The following RNF150 variants were observed in gnomAD, a reference collection of about 807,000 sequenced individuals.
The protein encoded by RNF150 is ring finger protein 150.
Under a neutral mutation model 39.3 loss-of-function variants are expected in RNF150, and 24 were observed. The observed-to-expected ratio is 0.61, with a 90% CI of 0.44 to 0.86. The LOEUF is 0.86. Among genes scored for constraint, RNF150 ranks in the 40% least tolerant of loss-of-function variants. The pLI is 0.00. For synonymous variants in RNF150, 255 were observed against 227.3 expected (o/e 1.12, Z -1.10); for missense variants, 502 against 587.8 (o/e 0.85, Z 1.51).
intron 1 of RNF150, among the ~76,000 whole-genome samples, chr4:141,081,629 A>G (rs2110980718): frequency 1.3e-5 from 2 of 152,372 alleles, no homozygotes; most frequent in East Asian, 3.9e-4. Flanking sequence ...CAAAGACAAA[A>G]TAGAGGTCTG....
chr4:141,153,710 A>G (rs968514393), intron 1 of RNF150, among the ~76,000 whole-genome samples: 4 of 152,212 alleles, frequency 2.6e-5, no homozygotes, highest in Non-Finnish European at 4.4e-5. Flanking sequence ...CCAGAAGGAT[A>G]TAAAGTTTCC....
At chr4:140,897,270 A>G (rs1221295486) in intron 6 of RNF150, among the ~76,000 whole-genome samples, 1 of 152,204 alleles carries the variant, frequency 6.6e-6, no homozygotes, top group Non-Finnish European at 1.5e-5. Flanking sequence ...GGGATAAGAT[A>G]CCACTTAGAA....
chr4:140,889,887 G>A (rs879364442), intron 6 of RNF150, among the ~76,000 whole-genome samples: 1 of 152,060 alleles, frequency 6.6e-6, no homozygotes, highest in Non-Finnish European at 1.5e-5. Context: ...TGCCTGCATT[G>A]CCCCAAGATT....
chr4:141,103,954 G>A (rs1472674363), intron 1 of RNF150, among the ~76,000 whole-genome samples: 4 of 152,226 alleles, frequency 2.6e-5, no homozygotes, highest in Non-Finnish European at 5.9e-5. Context: ...TAATATTGCA[G>A]GAGAAAAAGT....
chr4:141,151,772 T>C (rs77885450), intron 1 of RNF150, among the ~76,000 whole-genome samples: 3,875 of 152,290 alleles, frequency 0.025, 183 homozygotes, highest in African/African-American at 0.088. Context: ...CTAATCTTTG[T>C]AACATTTAAA....
intron 2 of RNF150, among the ~76,000 whole-genome samples, chr4:140,964,432 C>T (rs980887416): frequency 2.6e-5 from 4 of 151,848 alleles, no homozygotes; most frequent in Non-Finnish European, 5.9e-5. Context: ...AAATGTTATA[C>T]ATTATTATAA....
At chr4:140,947,066 A>G (rs561912818) in intron 4 of RNF150, among the ~76,000 whole-genome samples, 96 of 152,254 alleles carry the variant, frequency 6.3e-4, no homozygotes, top group African/African-American at 2.3e-3. Context: ...ATAGGGTTAT[A>G]TAAGAATCAC....
intron 1 of RNF150, among the ~76,000 whole-genome samples, chr4:140,975,157 G>C (rs186335131): frequency 6.6e-6 from 1 of 152,262 alleles, no homozygotes; most frequent in East Asian, 1.9e-4. Flanking sequence ...TTGGGAGCCT[G>C]AGGTGGGAGG....
At chr4:141,163,919 G>A (rs1409594139) in intron 1 of RNF150, among the ~76,000 whole-genome samples, 4 of 152,018 alleles carry the variant, frequency 2.6e-5, no homozygotes, top group Admixed American at 6.6e-5. Flanking sequence ...ACAACTCCTC[G>A]ACAGCAAGGG....
At chr4:141,209,905 T>C (rs1232708759) in intron 1 of RNF150, among the ~76,000 whole-genome samples, 3 of 152,164 alleles carry the variant, frequency 2.0e-5, no homozygotes, top group Admixed American at 6.5e-5. Flanking sequence ...AAAAGCATTT[T>C]CTTTAAAGGG....
At chr4:140,876,499 T>A (rs1316579910) in intron 6 of RNF150, among the ~76,000 whole-genome samples, 9 of 152,250 alleles carry the variant, frequency 5.9e-5, no homozygotes, top group Non-Finnish European at 1.0e-4. Context: ...GCCTCTGATG[T>A]GAGAATGGCA....
intron 1 of RNF150, among the ~76,000 whole-genome samples, chr4:141,149,460 C>T (rs1727260192): frequency 2.0e-5 from 3 of 152,188 alleles, no homozygotes; most frequent in Admixed American, 2.0e-4. Flanking sequence ...TAGCTTAGCT[C>T]CCACTTATGA....
chr4:141,035,079 G>T (rs867185011), intron 1 of RNF150, among the ~76,000 whole-genome samples: 4 of 152,174 alleles, frequency 2.6e-5, no homozygotes, highest in Non-Finnish European at 5.9e-5. Flanking sequence ...TATAATTACA[G>T]TATCTTTCCC....
intron 1 of RNF150, among the ~76,000 whole-genome samples, chr4:141,160,202 A>G (rs1223331226): frequency 6.6e-6 from 1 of 152,232 alleles, no homozygotes; most frequent in Non-Finnish European, 1.5e-5. Context: ...CAAAATTTTA[A>G]CATACCATAA....
chr4:140,939,439 A>C (rs1731990884), intron 4 of RNF150, among the ~76,000 whole-genome samples: 1 of 152,230 alleles, frequency 6.6e-6, no homozygotes, highest in South Asian at 2.1e-4. Flanking sequence ...TATTCCTAAA[A>C]GGAAAGAAGA....
chr4:140,908,530 T>C (rs1730477561), intron 6 of RNF150, among the ~76,000 whole-genome samples: 1 of 152,172 alleles, frequency 6.6e-6, no homozygotes, highest in Non-Finnish European at 1.5e-5. Context: ...TACCAGTAGC[T>C]TCCTTTGAAA....
chr4:141,152,105 A>G (rs1578768913), intron 1 of RNF150, among the ~76,000 whole-genome samples: 2 of 152,320 alleles, frequency 1.3e-5, no homozygotes, highest in East Asian at 3.9e-4. Flanking sequence ...CTCTCAAGCA[A>G]TCTGGGAAAT....
At chr4:141,015,861 C>T (rs62326024) in intron 1 of RNF150, among the ~76,000 whole-genome samples, 22,784 of 152,056 alleles carry the variant, frequency 0.15, 1,915 homozygotes, top group Middle Eastern at 0.24. Context: ...AAGGAAGTAT[C>T]TCAGCCTCAC....
At chr4:140,900,733 T>C (rs1482551431) in intron 6 of RNF150, among the ~76,000 whole-genome samples, 1 of 152,150 alleles carries the variant, frequency 6.6e-6, no homozygotes, top group African/African-American at 2.4e-5. Context: ...GTCTGACCAA[T>C]ATCATTCTCA....
Sources: allele counts gnomAD v4.1 joint callset (sites outside exome capture counted in the v4.1 genomes callset), GRCh38; gene constraint gnomAD v4.1.1; transcripts MANE v1.5; gene names NCBI Gene and HGNC (gene_info 2026-07-23, HGNC 2026-07-21).